The following SORL1 variants were observed in gnomAD, a reference collection of about 807,000 sequenced individuals.
SORL1 encodes the protein sortilin related receptor 1, also known as sortilin-related receptor.
In SORL1, 127 loss-of-function variants were observed where a neutral mutation model predicts 273.7. The observed-to-expected ratio is 0.46, with a 90% CI of 0.40 to 0.54. The LOEUF (loss-of-function observed/expected upper bound fraction) is 0.54, where lower values mean the gene tolerates loss of function less well. Among genes scored for constraint, SORL1 ranks in the 20% least tolerant of loss-of-function variants. The pLI is 0.00. For missense variants in SORL1, 2,494 were observed against 2,846.1 expected, an observed-to-expected ratio of 0.88 and a Z score of 2.81; for synonymous variants, 1,031 against 1,067.4, an observed-to-expected ratio of 0.97 and a Z score of 0.66.
chr11:121,522,776 C>T, intron 10 of SORL1, 73 bp downstream of exon 10: 2 of 1,383,740 alleles, frequency 1.4e-6, no homozygotes, highest in Non-Finnish European at 2.1e-6. Context: ...AGAGCGATCA[C>T]CCACACCTCC....
At chr11:121,565,579 T>C (rs1862743430) in intron 21 of SORL1, among the ~76,000 whole-genome samples, 1 of 152,240 alleles carries the variant, frequency 6.6e-6, no homozygotes, top group Non-Finnish European at 1.5e-5. Context: ...TCTCTGTCCA[T>C]GACATAGCAC....
At chr11:121,599,581 G>A (rs1468593978) in intron 32 of SORL1, among the ~76,000 whole-genome samples, 1 of 152,058 alleles carries the variant, frequency 6.6e-6, no homozygotes, top group Non-Finnish European at 1.5e-5. Flanking sequence ...CAGATGGTGG[G>A]GGATATTTTA....
chr11:121,523,117 A>C (rs1293630650), intron 11 of SORL1, 128 bp downstream of exon 11: 2 of 675,244 alleles, frequency 3.0e-6, no homozygotes, highest in African/African-American at 3.6e-5. Context: ...AGATATGACT[A>C]TAAAGTAAAG....
At chr11:121,492,715 C>T (rs1317120393) in intron 5 of SORL1, among the ~76,000 whole-genome samples, 1 of 151,928 alleles carries the variant, frequency 6.6e-6, no homozygotes, top group Non-Finnish European at 1.5e-5. Context: ...CCCTCCACAG[C>T]CAATGTGTTA....
chr11:121,560,270 G>GA (rs2134911711), intron 21 of SORL1, among the ~76,000 whole-genome samples: 1 of 152,344 alleles, frequency 6.6e-6, no homozygotes, highest in African/African-American at 2.4e-5. Context: ...AATAAGGGAT[G>GA]AAAAGGGAGG....
At chr11:121,523,732 G>A (rs1202663363) in intron 11 of SORL1, among the ~76,000 whole-genome samples, 1 of 152,110 alleles carries the variant, frequency 6.6e-6, no homozygotes, top group Non-Finnish European at 1.5e-5. Flanking sequence ...GGAGCCACCA[G>A]GGTAAAACCC....
chr11:121,583,371 C>A (rs1164106764), intron 25 of SORL1, 87 bp from the exon 26 acceptor site: 2 of 1,453,448 alleles, frequency 1.4e-6, no homozygotes, highest in East Asian at 2.6e-5. Flanking sequence ...CTACCTCATG[C>A]AAACCTCTTT....
rs1483481045 is a variant in SORL1, at chr11:121,550,115, A to T, written c.2180+27A>T. 6.2e-7 allele frequency: 1 copy of T among 1,607,572 alleles called. No individual in the cohort carries two copies. The highest frequency in any genetic ancestry group is 8.5e-7 in the Non-Finnish European group (1 of 1,176,432). On this transcript the variant is annotated intron_variant, in intron 15 of 47. Transcript: ENST00000260197. This position sits in a 1 kb window ranked among gnomAD's most constrained non-coding sequence, Gnocchi z 5.3. ...TATGTATCACAGAGGTTGCCCTGTC[A>T]GGTTCTCAGCGGTCCGCACATGGAG... is the stretch of plus-strand genomic sequence containing the variant.
Position 121,532,463 on chromosome 11 carries a change from G to A in SORL1, c.1597-1G>A. On this transcript the variant is annotated splice_acceptor_variant, in intron 11 of 47. Transcript: ENST00000260197. LOFTEE classifies it high-confidence loss of function. The stretch of plus-strand genomic sequence containing the variant: ...TGTCACCATGGATTTTTCCTCTTCA[G>A]GCACTTCCTGGACCTCACTACTACA... The A allele has an allele frequency of 6.2e-7, 1 of 1,614,014 alleles. No homozygotes were observed. The highest frequency in any genetic ancestry group is 1.1e-5 in the South Asian group (1 of 91,056).
intron 26 of SORL1, among the ~76,000 whole-genome samples, chr11:121,585,996 A>C (rs1013938595): frequency 1.3e-5 from 2 of 152,250 alleles, no homozygotes; most frequent in African/African-American, 4.8e-5. Context: ...ATTAAGTACA[A>C]GGTTGTAAAC....
chr11:121,586,093 C>T, intron 26 of SORL1, 129 bp from the exon 27 acceptor site: 1 of 698,960 alleles, frequency 1.4e-6, no homozygotes. Flanking sequence ...ATACATTTGT[C>T]ATTTTGCTAG....
intron 24 of SORL1, 76 bp downstream of exon 24, chr11:121,574,439 A>G (rs1274665705): frequency 1.4e-6 from 2 of 1,395,102 alleles, no homozygotes; most frequent in Middle Eastern, 2.0e-4. Flanking sequence ...CTGTACTGGT[A>G]TGTACTGGTT....
Position 121,574,369 on chromosome 11 carries a change from G to T in SORL1, c.3460+6G>T. ...CAGTGATGAAAGTCATTGTGGTAAGGGGACATCACATCCTGAAACCCTGCT... is the reference window on the plus strand; with the variant it reads ...CAGTGATGAAAGTCATTGTGGTAAGTGGACATCACATCCTGAAACCCTGCT... On this transcript the variant is annotated splice_donor_region_variant and intron_variant, in intron 24 of 47. Coordinates refer to ENST00000260197, the MANE Select transcript of SORL1 (RefSeq NM_003105.6). 1 of 1,612,742 alleles carries T rather than the reference G, an allele frequency of 6.2e-7. No homozygotes were observed. Among genetic ancestry groups the T allele is most frequent in the Non-Finnish European group, 8.5e-7 (1 of 1,178,876 alleles).
chr11:121,574,460 C>T (rs1361313270), intron 24 of SORL1, 97 bp downstream of exon 24: 15 of 1,137,794 alleles, frequency 1.3e-5, no homozygotes, highest in Admixed American at 8.7e-5. Flanking sequence ...TTCTGATAGC[C>T]GTCTCAGGAT....
chr11:121,527,301 A>G (rs1391374605), intron 11 of SORL1, among the ~76,000 whole-genome samples: 1 of 152,064 alleles, frequency 6.6e-6, no homozygotes, highest in Admixed American at 6.5e-5. Flanking sequence ...TATTACATTA[A>G]TTAATTCTTG....
intron 35 of SORL1, among the ~76,000 whole-genome samples, chr11:121,606,480 A>G (rs1038368724): frequency 6.6e-6 from 1 of 152,196 alleles, no homozygotes; most frequent in African/African-American, 2.4e-5. Context: ...CCCACAGTAC[A>G]GTTTTTGTTG....
chr11:121,452,643 TC>T lies in SORL1; in HGVS notation c.285+29del. ...TGAGCAGTTTTGCAACCCGCCTCCCTCCAGTTTTTTCCTCTCCCTGCACTTC... is the reference window on the plus strand; with the variant it reads ...TGAGCAGTTTTGCAACCCGCCTCCCTCAGTTTTTTCCTCTCCCTGCACTTC... On this transcript the variant is annotated intron_variant, in intron 1 of 47. Transcript: ENST00000260197. The surrounding 1 kb of genome is among the most constrained non-coding windows in gnomAD (Gnocchi z 5.3). The T allele has an allele frequency of 7.0e-7, 1 of 1,423,600 alleles. No homozygotes were observed. The highest frequency in any genetic ancestry group is 9.2e-7 in the Non-Finnish European group (1 of 1,090,930). 88.2% of individuals were successfully genotyped at this position (1,423,600 alleles called of 1,614,324 possible).
chr11:121,475,195 A>T (rs953188568), intron 2 of SORL1, among the ~76,000 whole-genome samples: 5 of 152,148 alleles, frequency 3.3e-5, no homozygotes, highest in African/African-American at 1.2e-4. Flanking sequence ...TGACCCCGGG[A>T]GGTCAAGGCT....
At position 121,466,012 on chromosome 11, in the gene SORL1, G is replaced by A. The variant is rs182973797; in HGVS notation, c.286-3995G>A. Among the ~76,000 whole-genome samples the A allele has an allele frequency of 4.5e-4, 68 of 152,308 alleles. 1 individual carries two copies. Among genetic ancestry groups the A allele is most frequent in the Non-Finnish European group, 1.0e-4 (7 of 68,030 alleles). On this transcript the variant is annotated intron_variant, in intron 1 of 47. Coordinates refer to ENST00000260197, the MANE Select transcript of SORL1 (RefSeq NM_003105.6). The stretch of plus-strand genomic sequence containing the variant: ...TTGACTCTTAACGACCTGCCAATGA[G>A]CCAGATGCTGTTTGTTGTTTATGAT...
Sources: allele counts gnomAD v4.1 joint callset (sites outside exome capture counted in the v4.1 genomes callset), GRCh38; gene constraint gnomAD v4.1.1; non-coding constraint Gnocchi (gnomAD v3.1); transcripts MANE v1.5; gene names NCBI Gene and HGNC (gene_info 2026-07-23, HGNC 2026-07-21).